Variants in KAZN observed in about 807,000 individuals in gnomAD.
KAZN encodes the protein kazrin, periplakin interacting protein.
Under a neutral mutation model 87.4 loss-of-function variants are expected in KAZN, and 40 were observed. That is an observed-to-expected ratio of 0.46 (90% CI 0.36 to 0.60). The LOEUF is 0.60. Ranked by LOEUF, KAZN falls within the 20% of genes least tolerant of loss-of-function variation. The probability of loss-of-function intolerance (pLI) is 0.00; values close to 1 mark genes in which losing one functional copy is unlikely to be tolerated. For synonymous variants in KAZN, 466 were observed against 458.3 expected (o/e 1.02, Z -0.22); for missense variants, 898 against 1,073.9 (o/e 0.84, Z 2.29).
intron 1 of KAZN, among the ~76,000 whole-genome samples, chr1:14,775,304 A>T (rs1645143488): frequency 6.6e-6 from 1 of 152,240 alleles, no homozygotes; most frequent in African/African-American, 2.4e-5. Context: ...CTTTAATAGC[A>T]GCTCATTCTA....
At chr1:14,104,209 G>A (rs560315153) in intron 1 of KAZN, among the ~76,000 whole-genome samples, 39 of 152,282 alleles carry the variant, frequency 2.6e-4, no homozygotes, top group Middle Eastern at 3.4e-3. Flanking sequence ...TGCCAGATGC[G>A]TCTCTCCTTC....
intron 2 of KAZN, among the ~76,000 whole-genome samples, chr1:14,512,307 G>T (rs1670947979): frequency 6.6e-6 from 1 of 152,056 alleles, no homozygotes; most frequent in Admixed American, 6.6e-5. Flanking sequence ...TTGATATTTG[G>T]GGCTGGATCA....
intron 1 of KAZN, among the ~76,000 whole-genome samples, chr1:14,109,873 T>G (rs10465642): frequency 0.097 from 12,046 of 123,642 alleles, 2,618 homozygotes; most frequent in Middle Eastern, 0.15. Flanking sequence ...TTTACTTTTC[T>G]GATAGCTGTA....
At chr1:14,214,474 A>G (rs115115714) in intron 2 of KAZN, among the ~76,000 whole-genome samples, 1 of 152,308 alleles carries the variant, frequency 6.6e-6, no homozygotes, top group African/African-American at 2.4e-5. Context: ...TTAATTGACA[A>G]TCTCAACCTT....
At position 14,037,243 on chromosome 1, in the gene KAZN, A is replaced by G. The variant is rs181591012; in HGVS notation, c.92-143192A>G. Among the ~76,000 whole-genome samples, 493 of 152,340 alleles carry G rather than the reference A, an allele frequency of 3.2e-3. 4 individuals are homozygous for G. Among genetic ancestry groups the G allele is most frequent in the Middle Eastern group, 0.01 (3 of 294 alleles). ...AATGGCTACATGGCAGTTCCTTGTT[A>G]AGATGCATGATCATTTATTTATCCA... On this transcript the variant is annotated intron_variant, in intron 1 of 16. Transcript: ENST00000636203.
At chr1:14,934,118 G>A (rs1033617624) in intron 1 of KAZN, among the ~76,000 whole-genome samples, 1 of 151,814 alleles carries the variant, frequency 6.6e-6, no homozygotes, top group African/African-American at 2.4e-5. Flanking sequence ...GCCTCCCAAA[G>A]TGCTGGGATT....
At chr1:14,739,626 G>A (rs894008257) in intron 1 of KAZN, among the ~76,000 whole-genome samples, 2 of 151,812 alleles carry the variant, frequency 1.3e-5, no homozygotes, top group Non-Finnish European at 2.9e-5. Flanking sequence ...CTTTCAAGAC[G>A]TTTCACATGA....
chr1:14,827,388 G>A (rs1206335142), intron 1 of KAZN, among the ~76,000 whole-genome samples: 2 of 152,182 alleles, frequency 1.3e-5, no homozygotes, highest in Non-Finnish European at 2.9e-5. Context: ...CCAACGTGTA[G>A]CCTTTTATCC....
intron 2 of KAZN, among the ~76,000 whole-genome samples, chr1:14,523,247 A>T (rs1380476160): frequency 6.6e-6 from 1 of 152,162 alleles, no homozygotes; most frequent in Non-Finnish European, 1.5e-5. Context: ...TTTGGCTCCC[A>T]GTCCAGGGCA....
Position 14,114,462 on chromosome 1 carries a change from G to A in KAZN, c.92-65973G>A, listed in dbSNP as rs114045433. Among the ~76,000 whole-genome samples the A allele has an allele frequency of 5.0e-3, 762 of 152,054 alleles. 3 individuals are homozygous for A. Among genetic ancestry groups the A allele is most frequent in the African/African-American group, 0.017 (706 of 41,436 alleles). On this transcript the variant is annotated intron_variant, in intron 1 of 16. Coordinates refer to the KAZN transcript ENST00000636203. ...CTACTCTCCAGCCTGGAACTCTCTC[G>A]AGCCCCCTATTCCAGGCATCCAGAT...
chr1:14,654,066 G>A (rs1270532883), intron 1 of KAZN, among the ~76,000 whole-genome samples: 2 of 152,116 alleles, frequency 1.3e-5, no homozygotes, highest in South Asian at 2.1e-4. Context: ...CGGGCGTATC[G>A]CCTGAGTTCA....
chr1:14,150,872 T>C (rs970144293), intron 1 of KAZN, among the ~76,000 whole-genome samples: 2 of 152,196 alleles, frequency 1.3e-5, no homozygotes, highest in Non-Finnish European at 2.9e-5. Context: ...AACTAATGTA[T>C]ATTTCAGTGT....
chr1:14,079,250 T>G (rs986210999), intron 1 of KAZN, among the ~76,000 whole-genome samples: 11 of 152,242 alleles, frequency 7.2e-5, no homozygotes, highest in Non-Finnish European at 4.4e-5. Flanking sequence ...GCTCTTTAAC[T>G]CTTTTCACGT....
intron 1 of KAZN, among the ~76,000 whole-genome samples, chr1:13,975,911 C>G (rs1200417830): frequency 5.3e-5 from 8 of 152,216 alleles, no homozygotes; most frequent in Admixed American, 3.3e-4. Flanking sequence ...CAACATTTCT[C>G]AGAGTGCTTT....
At chr1:14,550,473 C>T (rs1246018907) in intron 2 of KAZN, among the ~76,000 whole-genome samples, 2 of 152,090 alleles carry the variant, frequency 1.3e-5, no homozygotes, top group African/African-American at 4.8e-5. Context: ...TGGCATGCTT[C>T]TGCAAGGTCA....
chr1:14,173,823 C>G (rs190660348), intron 1 of KAZN, among the ~76,000 whole-genome samples: 1 of 152,226 alleles, frequency 6.6e-6, no homozygotes, highest in African/African-American at 2.4e-5. Flanking sequence ...AGGCCTGGAC[C>G]ACGTGCCCAC....
At position 14,991,499 on chromosome 1, in the gene KAZN, G is replaced by A. The variant is rs78372742; in HGVS notation, c.418+30624G>A. Among the ~76,000 whole-genome samples the A allele has an allele frequency of 4.0e-3, 604 of 152,256 alleles. 3 individuals carry two copies. Among genetic ancestry groups the A allele is most frequent in the Non-Finnish European group, 7.1e-3 (486 of 68,012 alleles). ...ATATCCTCTGCTGTTAGCCTCTTCC[G>A]TGTCCTTCCTAGGAGCCCGAGGAAT... On this transcript the variant is annotated intron_variant, in intron 2 of 14. Transcript: ENST00000376030.
intron 2 of KAZN, among the ~76,000 whole-genome samples, chr1:14,527,076 A>G (rs1269421529): frequency 3.3e-5 from 5 of 152,316 alleles, no homozygotes; most frequent in African/African-American, 1.2e-4. Context: ...CAATGGATTA[A>G]AACGATGTAT....
chr1:14,878,565 G>A (rs190817403), intron 1 of KAZN, among the ~76,000 whole-genome samples: 8 of 152,306 alleles, frequency 5.3e-5, no homozygotes, highest in East Asian at 1.9e-4. Context: ...AAGATGGATA[G>A]CTATTGGCCT....
Sources: gnomAD v4.1 joint callset for allele counts (sites outside exome capture counted in the v4.1 genomes callset) on GRCh38, gnomAD v4.1.1 for gene constraint, MANE v1.5 for transcripts, NCBI Gene and HGNC (gene_info 2026-07-23, HGNC 2026-07-21) for gene names.